ALDH18A1: variants seen among roughly 807,000 people sequenced by gnomAD.
The protein encoded by ALDH18A1 is aldehyde dehydrogenase 18 family member A1.
A neutral mutation model predicts 88.8 loss-of-function variants in ALDH18A1; 44 were observed. The observed-to-expected ratio is 0.50, with a 90% confidence interval of 0.39 to 0.64. The LOEUF (loss-of-function observed/expected upper bound fraction) is 0.64, where lower values mean the gene tolerates loss of function less well. ALDH18A1 is among the 30% of genes least tolerant of loss of function. The probability of loss-of-function intolerance (pLI) is 0.00; values close to 1 mark genes in which losing one functional copy is unlikely to be tolerated. For synonymous variants in ALDH18A1, 331 were observed against 372.1 expected (o/e 0.89, Z 1.27); for missense variants, 782 against 1,009.5 (o/e 0.77, Z 3.05).
In ALDH18A1 at chr10:95,611,438, T is replaced by C; in HGVS notation, c.1928A>G (p.Lys643Arg). 3 of 1,614,120 alleles carry C rather than the reference T, an allele frequency of 1.9e-6. No homozygotes were observed. The highest frequency in any genetic ancestry group is 2.5e-6 in the Non-Finnish European group (3 of 1,180,006). ...IIDMLRVEQV[K>R]IHAGPKFASY... Reference sequence around the variant, plus strand: ...GGCAAATTTGGGGCCTGCATGAATTTTTACCTGGAACAGAGGAAGTCCAGG... The same window carrying C: ...GGCAAATTTGGGGCCTGCATGAATTCTTACCTGGAACAGAGGAAGTCCAGG... The change falls in exon 16 of 18, where the codon AAA becomes AGA. Residue 643 changes from lysine to arginine, a missense_variant. Physicochemically the swap from Lys to Arg is conservative, Grantham distance 26 (BLOSUM62 2). This residue lies in a region of ALDH18A1 where 556 missense variants were observed against 654.5 expected (regional missense o/e 0.85). Transcript: ENST00000371224.
At chr10:95,622,045 T>C (rs943442111) in intron 11 of ALDH18A1, among the ~76,000 whole-genome samples, 2 of 152,190 alleles carry the variant, frequency 1.3e-5, no homozygotes, top group Admixed American at 1.3e-4. Context: ...GGAAGAAATC[T>C]GGAACGCATC....
At chr10:95,608,299 A>G (rs1478104782) in intron 17 of ALDH18A1, among the ~76,000 whole-genome samples, 1 of 152,262 alleles carries the variant, frequency 6.6e-6, no homozygotes. Context: ...AAGTACATGG[A>G]GAGTATAAAG....
chr10:95,626,926 G>A lies in ALDH18A1; in HGVS notation c.1079-150C>T, dbSNP rs193101036. On this transcript the variant is annotated intron_variant, in intron 9 of 17. Transcript: ENST00000371224. ...CTTGGTATGCTTGTTTCACACAGGG[G>A]ATCACCATGACCAATAAAATAGCAA... The A allele has an allele frequency of 4.6e-4, 366 of 790,102 alleles. 3 individuals are homozygous for A. The African/African-American group carries it at 5.4e-3, about 12-fold the overall frequency. 48.9% of individuals were successfully genotyped at this position (790,102 alleles called of 1,614,324 possible).
At chr10:95,623,245 G>A (rs956223500) in intron 11 of ALDH18A1, among the ~76,000 whole-genome samples, 5 of 152,008 alleles carry the variant, frequency 3.3e-5, no homozygotes, top group African/African-American at 7.3e-5. Flanking sequence ...TATTTTCCAT[G>A]TTGCAAAAAT....
At chr10:95,614,762 C>T (rs957766633) in intron 13 of ALDH18A1, among the ~76,000 whole-genome samples, 1 of 152,160 alleles carries the variant, frequency 6.6e-6, no homozygotes, top group African/African-American at 2.4e-5. Flanking sequence ...TTTTTCTCCA[C>T]ATGGTCATAT....
At position 95,642,935 on chromosome 10, in the gene ALDH18A1, A is replaced by C. The variant is rs1566039010; in HGVS notation, c.303+57T>G. 3.2e-6 allele frequency: 5 copies of C among 1,544,402 alleles called. No individual in the cohort carries two copies. The South Asian group carries it at 5.7e-5, about 18-fold the overall frequency. ...TGATGAGCAACTTAAACCTAATCTG[A>C]ACTAGCGACTTAAAAACCCAATTTT... On this transcript the variant is annotated intron_variant, in intron 3 of 17. Coordinates refer to ENST00000371224, the MANE Select transcript of ALDH18A1 (RefSeq NM_002860.4).
At chr10:95,609,769 A>ATTTTT (rs55659918) in intron 17 of ALDH18A1, among the ~76,000 whole-genome samples, 32,236 of 113,746 alleles carry the variant, frequency 0.28, 6,918 homozygotes, top group Admixed American at 0.41. Flanking sequence ...GTCTGTCTCT[A>ATTTTT]TTTTTTTTTT....
chr10:95,614,065 G>A lies in ALDH18A1; in HGVS notation c.1702C>T (p.Gln568Ter), dbSNP rs750208101. 5 of 1,614,134 alleles carry A rather than the reference G, an allele frequency of 3.1e-6. No individual in the cohort carries two copies. The highest frequency in any genetic ancestry group is 3.4e-6 in the Non-Finnish European group (4 of 1,180,012). ...ACTGGAATCCCCTTAGCAGCTTTCT[G>A]GATGTCTCTGACCAGCTGGGAAGAG... ...RGSSQLVRDI[Q>*]KAAKGIPVMG... Residue 568 changes from glutamine (Q) to a stop codon, truncating the protein, a stop_gained, in exon 14 of 18, where the codon CAG (glutamine) becomes TAG (stop). Transcript: ENST00000371224. LOFTEE classifies it high-confidence loss of function.
Position 95,606,515 on chromosome 10 carries a change from T to C in ALDH18A1, c.*247A>G. The C allele has an allele frequency of 7.4e-7, 1 of 1,359,378 alleles. No homozygotes were observed. The highest frequency in any genetic ancestry group is 9.5e-7 in the Non-Finnish European group (1 of 1,053,626). The allele number at this position is 1,359,378 out of a possible 1,614,324, so 84.2% of individuals were successfully genotyped here. A position where few individuals can be genotyped will look rare whatever the true frequency, so the allele number is the denominator to read the frequency against. On this transcript the variant is annotated 3_prime_UTR_variant, in exon 18 of 18. Transcript: ENST00000371224. Reference sequence around the variant, plus strand: ...GCACCTTTCAATCCTAGAAGATAATTGGACTTGGCAAAGTCCCTATCGGTA... The same window carrying C: ...GCACCTTTCAATCCTAGAAGATAATCGGACTTGGCAAAGTCCCTATCGGTA...
At chr10:95,627,722 A>T in intron 8 of ALDH18A1, 136 bp from the exon 9 acceptor site, 1 of 1,141,292 alleles carries the variant, frequency 8.8e-7, no homozygotes, top group Non-Finnish European at 1.3e-6. Flanking sequence ...AAAAGCTTAG[A>T]AGCTCTGAAA....
chr10:95,624,341 G>A (rs556266842), intron 11 of ALDH18A1, among the ~76,000 whole-genome samples: 6 of 152,156 alleles, frequency 3.9e-5, no homozygotes, highest in African/African-American at 9.6e-5. Context: ...ACCCTCTGTG[G>A]GTCTTAATTC....
chr10:95,620,413 C>T (rs962393747), intron 12 of ALDH18A1, among the ~76,000 whole-genome samples: 6 of 152,140 alleles, frequency 3.9e-5, no homozygotes, highest in Admixed American at 2.0e-4. Context: ...ACGATTTGAC[C>T]CAGCCATCCC....
Position 95,633,059 on chromosome 10 carries a change from A to G in ALDH18A1, c.718-10T>C. The G allele has an allele frequency of 6.2e-7, 1 of 1,610,014 alleles. No individual in the cohort carries two copies. The highest frequency in any genetic ancestry group is 1.1e-5 in the South Asian group (1 of 90,994). ...CTTTAACACTAATAACCTAGAATGC[A>G]GATTAAAAAGTCATAAGTGAGTGAG... On this transcript the variant is annotated splice_polypyrimidine_tract_variant and intron_variant, in intron 6 of 17. Transcript: ENST00000371224.
At chr10:95,643,312 C>T in intron 2 of ALDH18A1, 106 bp from the exon 3 acceptor site, 1 of 1,078,610 alleles carries the variant, frequency 9.3e-7, no homozygotes, top group Non-Finnish European at 1.4e-6. Context: ...CAAAAAATAG[C>T]ATTATCATTA....
chr10:95,618,671 C>T (rs759486471), intron 12 of ALDH18A1, among the ~76,000 whole-genome samples: 5 of 152,150 alleles, frequency 3.3e-5, no homozygotes, highest in Admixed American at 6.5e-5. Context: ...AACAGATGTA[C>T]TTATAGGAAG....
At chr10:95,611,609 C>CA (rs1226516006) in intron 15 of ALDH18A1, among the ~76,000 whole-genome samples, 167 bp from the exon 16 acceptor site, 1 of 152,198 alleles carries the variant, frequency 6.6e-6, no homozygotes, top group African/African-American at 2.4e-5. Flanking sequence ...TCTGACTGGC[C>CA]ACTTGCCAGC....
chr10:95,627,728 T>C, intron 8 of ALDH18A1, 142 bp from the exon 9 acceptor site: 1 of 1,072,672 alleles, frequency 9.3e-7, no homozygotes, highest in Non-Finnish European at 1.4e-6. Flanking sequence ...TTAGAAGCTC[T>C]GAAAACACAT....
At chr10:95,639,889 T>C (rs946054844) in intron 3 of ALDH18A1, among the ~76,000 whole-genome samples, 24 of 152,078 alleles carry the variant, frequency 1.6e-4, no homozygotes, top group Admixed American at 1.2e-3. Flanking sequence ...CTGCTCTTTG[T>C]ATACCCTATA....
chr10:95,642,592 G>A (rs974708415), intron 3 of ALDH18A1, among the ~76,000 whole-genome samples: 1 of 152,228 alleles, frequency 6.6e-6, no homozygotes, highest in East Asian at 1.9e-4. Flanking sequence ...TCCAGCCTGG[G>A]TGACAGAGTG....
Sources: gnomAD v4.1 joint callset for allele counts (sites outside exome capture counted in the v4.1 genomes callset) on GRCh38, gnomAD v4.1.1 for gene constraint, gnomAD v4.1.1 regional missense constraint, MANE v1.5 for transcripts, NCBI Gene and HGNC (gene_info 2026-07-23, HGNC 2026-07-21) for gene names.